ITGB5: variants seen among roughly 807,000 people sequenced by gnomAD.
The protein encoded by ITGB5 is integrin beta-5.
Under a neutral mutation model 84.8 loss-of-function variants are expected in ITGB5, and 38 were observed. The observed-to-expected ratio is 0.45, with a 90% CI of 0.35 to 0.59. The LOEUF is 0.59. Ranked by LOEUF, ITGB5 falls within the 20% of genes least tolerant of loss-of-function variation. ITGB5 has a pLI of 0.01. For synonymous variants in ITGB5, 393 were observed against 414.4 expected (o/e 0.95, Z 0.63); for missense variants, 905 against 1,034.5 (o/e 0.87, Z 1.72).
At position 124,877,393 on chromosome 3, in the gene ITGB5, T is replaced by C. The variant is rs146048206; in HGVS notation, c.71-3862A>G. Among the ~76,000 whole-genome samples the C allele has an allele frequency of 1.1e-4, 17 of 152,240 alleles. No individual in the cohort carries two copies. In the East Asian group the frequency reaches 3.3e-3, roughly 29 times the overall value. On this transcript the variant is annotated intron_variant, in intron 1 of 14. Transcript: ENST00000296181. ...GTCAAATCCCCGTACCTGTCAGCAA[T>C]CACTATCTGCAGGGGAAAAAAAATA...
At chr3:124,851,609 A>C (rs1468734873) in intron 3 of ITGB5, among the ~76,000 whole-genome samples, 2 of 3,996 alleles carry the variant, frequency 5.0e-4, no homozygotes, top group Non-Finnish European at 1.6e-3. Flanking sequence ...CAGTAAGAAA[A>C]CACACACACA....
chr3:124,866,373 G>A (rs2065390554), intron 2 of ITGB5, among the ~76,000 whole-genome samples: 1 of 152,214 alleles, frequency 6.6e-6, no homozygotes, highest in Non-Finnish European at 1.5e-5. Context: ...CACAGCCAGT[G>A]CATTCAGGTT....
chr3:124,836,444 T>C (rs1465586881), intron 5 of ITGB5, among the ~76,000 whole-genome samples: 3 of 149,568 alleles, frequency 2.0e-5, no homozygotes, highest in Non-Finnish European at 4.4e-5. Flanking sequence ...AGATCTCCTT[T>C]CAAAAAAAAA....
At chr3:124,815,992 T>C (rs574875065) in intron 8 of ITGB5, among the ~76,000 whole-genome samples, 1 of 152,222 alleles carries the variant, frequency 6.6e-6, no homozygotes, top group South Asian at 2.1e-4. Flanking sequence ...AGGATGTTAG[T>C]ATGTGGGCAA....
chr3:124,841,254 C>T, intron 5 of ITGB5, 129 bp downstream of exon 5: 1 of 821,564 alleles, frequency 1.2e-6, no homozygotes, highest in Non-Finnish European at 1.9e-6. Flanking sequence ...TGAGCTCACC[C>T]TCTGACTTCA....
At chr3:124,833,621 T>C (rs769734463) in intron 5 of ITGB5, among the ~76,000 whole-genome samples, 15 of 152,188 alleles carry the variant, frequency 9.9e-5, no homozygotes, top group Non-Finnish European at 1.8e-4. Context: ...GTAAATTCCA[T>C]GGAGGCAGCC....
At chr3:124,846,953 A>C (rs2107601641) in intron 4 of ITGB5, among the ~76,000 whole-genome samples, 1 of 152,310 alleles carries the variant, frequency 6.6e-6, no homozygotes, top group South Asian at 2.1e-4. Context: ...ATGCAAATGC[A>C]GACTCTAAAA....
At chr3:124,783,186 G>C (rs2064029729) in intron 10 of ITGB5, among the ~76,000 whole-genome samples, 1 of 150,510 alleles carries the variant, frequency 6.6e-6, no homozygotes, top group Middle Eastern at 3.2e-3. Context: ...AGCTACTCCA[G>C]AGGCTGAGAC....
At chr3:124,886,074 C>A (rs552473842) in intron 1 of ITGB5, among the ~76,000 whole-genome samples, 21 of 152,344 alleles carry the variant, frequency 1.4e-4, no homozygotes, top group Admixed American at 1.4e-3. Context: ...CCAATCATCT[C>A]CCAACTCTGA....
At chr3:124,861,493 T>TAC (rs1397985645) in intron 2 of ITGB5, among the ~76,000 whole-genome samples, 893 of 84,906 alleles carry the variant, frequency 0.011, 9 homozygotes, top group African/African-American at 0.047. Flanking sequence ...TATATATATA[T>TAC]ATACACACAC....
At chr3:124,801,672 T>C (rs1380255025) in intron 9 of ITGB5, among the ~76,000 whole-genome samples, 1 of 152,222 alleles carries the variant, frequency 6.6e-6, no homozygotes, top group Non-Finnish European at 1.5e-5. Flanking sequence ...CCTCCAGCTA[T>C]GCTTGATACT....
intron 9 of ITGB5, among the ~76,000 whole-genome samples, chr3:124,797,886 C>A (rs2064254972): frequency 6.6e-6 from 1 of 152,042 alleles, no homozygotes; most frequent in South Asian, 2.1e-4. Context: ...CTCCCTTACT[C>A]CCTGAACAGA....
At chr3:124,780,824 A>G (rs1161574901) in intron 10 of ITGB5, 1 of 152,636 alleles carries the variant, frequency 6.6e-6, no homozygotes, top group East Asian at 1.9e-4. Context: ...TGGCCATGTA[A>G]ACAGGAAGTG....
intron 6 of ITGB5, 45 bp from the exon 7 acceptor site, chr3:124,819,879 G>GCTGGTATCTACACCTGT: frequency 7.3e-6 from 10 of 1,368,692 alleles, no homozygotes; most frequent in African/African-American, 1.4e-5. Flanking sequence ...CCTAACAGGT[G>GCTGGTATCTACACCTGT]TAGATACCAG....
intron 11 of ITGB5, chr3:124,769,571 C>G (rs1001677631): frequency 5.2e-5 from 8 of 153,080 alleles, no homozygotes; most frequent in African/African-American, 1.7e-4. Context: ...GGATCTCAAC[C>G]CTCCTGCACG....
At chr3:124,785,174 G>A (rs770753434) in intron 10 of ITGB5, among the ~76,000 whole-genome samples, 12 of 152,156 alleles carry the variant, frequency 7.9e-5, no homozygotes, top group Non-Finnish European at 1.2e-4. Context: ...CTTCTCAGCC[G>A]TAGCCTCCCA....
chr3:124,860,538 A>C (rs2065281488), intron 2 of ITGB5, among the ~76,000 whole-genome samples: 1 of 152,244 alleles, frequency 6.6e-6, no homozygotes, highest in South Asian at 2.1e-4. Context: ...GGGACACCAG[A>C]AGGTTAAGGT....
chr3:124,837,410 G>A (rs1457199412), intron 5 of ITGB5, among the ~76,000 whole-genome samples: 1 of 152,190 alleles, frequency 6.6e-6, no homozygotes, highest in African/African-American at 2.4e-5. Flanking sequence ...GAAATTACAG[G>A]CAGTGGCATT....
chr3:124,861,260 AC>A (rs2065293203), intron 2 of ITGB5, among the ~76,000 whole-genome samples: 1 of 151,978 alleles, frequency 6.6e-6, no homozygotes, highest in African/African-American at 2.4e-5. Flanking sequence ...AACCTCCAGG[AC>A]TACATCAAAG....
Sources: allele counts gnomAD v4.1 joint callset (sites outside exome capture counted in the v4.1 genomes callset), GRCh38; gene constraint gnomAD v4.1.1; transcripts MANE v1.5; gene names NCBI Gene and HGNC (gene_info 2026-07-23, HGNC 2026-07-21).